The following MAMLD1 variants were observed in gnomAD, a reference collection of about 807,000 sequenced individuals.
MAMLD1 encodes the protein mastermind like domain containing 1.
Under a neutral mutation model 45.0 loss-of-function variants are expected in MAMLD1, and 14 were observed. The observed-to-expected ratio is 0.31, with a 90% CI of 0.21 to 0.49. MAMLD1 has a LOEUF of 0.49. Ranked by LOEUF, MAMLD1 falls within the 20% of genes least tolerant of loss-of-function variation. MAMLD1 has a pLI of 0.99. For missense variants in MAMLD1, 543 were observed against 603.6 expected, an observed-to-expected ratio of 0.90 and a Z score of 1.05; for synonymous variants, 254 against 247.8, an observed-to-expected ratio of 1.02 and a Z score of -0.24.
intron 1 of MAMLD1, among the ~76,000 whole-genome samples, chrX:150,419,535 G>C (rs1436365653): frequency 5.6e-4 from 60 of 107,810 alleles, no homozygotes; most frequent in Non-Finnish European, 1.1e-3. Flanking sequence ...TCCTAGTCTC[G>C]ATGGTCTTTA....
chrX:150,460,345 CA>C (rs1185640313), intron 2 of MAMLD1, among the ~76,000 whole-genome samples: 1 of 112,443 alleles, frequency 8.9e-6, no homozygotes, highest in African/African-American at 3.2e-5. Flanking sequence ...ATCCTCACCA[CA>C]AGGGCACCTG....
At position 150,513,347 on chromosome X, in the gene MAMLD1, A is replaced by G; in HGVS notation, c.*1388A>G. ...TAAATAAAGCGACGGCTTTTGTTTC[A>G]GTAGAGTTGTGTTTACTATGCATTG... On this transcript the variant is annotated 3_prime_UTR_variant, in exon 8 of 8. Coordinates refer to ENST00000370401, the MANE Select transcript of MAMLD1 (RefSeq NM_005491.5). The G allele has an allele frequency of 2.7e-6, 1 of 372,954 alleles. No homozygotes were observed. The highest frequency in any genetic ancestry group is 7.3e-5 in the South Asian group (1 of 13,718). The allele number at this position is 372,954 out of a possible 1,213,427, so 30.7% of individuals were successfully genotyped here. A position where few individuals can be genotyped will look rare whatever the true frequency, so the allele number is the denominator to read the frequency against.
chrX:150,402,155 G>C (rs1294909026), intron 1 of MAMLD1, among the ~76,000 whole-genome samples: 2 of 110,445 alleles, frequency 1.8e-5, no homozygotes, highest in Non-Finnish European at 3.8e-5. Flanking sequence ...TGGGAGAAAA[G>C]TTTCACAACC....
At chrX:150,442,075 C>A (rs1213164315) in intron 1 of MAMLD1, among the ~76,000 whole-genome samples, 1 of 103,625 alleles carries the variant, frequency 9.7e-6, no homozygotes, top group African/African-American at 3.5e-5. Context: ...GCTCTGAAGT[C>A]TACTTTATCT....
chrX:150,403,995 A>AG (rs1491189318), intron 1 of MAMLD1, among the ~76,000 whole-genome samples: 1 of 91,367 alleles, frequency 1.1e-5, no homozygotes, highest in African/African-American at 4.2e-5. Context: ...AAAGAAAGAA[A>AG]GAAGAAAGGA....
At chrX:150,398,290 G>GAAGAAGAAC (rs1569564554) in intron 1 of MAMLD1, among the ~76,000 whole-genome samples, 40 of 84,323 alleles carry the variant, frequency 4.7e-4, no homozygotes, top group African/African-American at 1.8e-3. Context: ...AGAAGAAGAA[G>GAAGAAGAAC]AAGAAGAAGA....
intron 7 of MAMLD1, among the ~76,000 whole-genome samples, chrX:150,511,641 G>C (rs1489754526): frequency 8.9e-6 from 1 of 112,023 alleles, no homozygotes; most frequent in Non-Finnish European, 1.9e-5. Context: ...CCTGTCAAAG[G>C]GTGGGCAGTG....
intron 5 of MAMLD1, among the ~76,000 whole-genome samples, chrX:150,476,682 G>A (rs2036589685): frequency 8.9e-6 from 1 of 112,855 alleles, no homozygotes; most frequent in Non-Finnish European, 1.9e-5. Flanking sequence ...TGGAGAAATA[G>A]ACCAAGGAGG....
At chrX:150,369,847 GT>G (rs1557400924) in intron 1 of MAMLD1, among the ~76,000 whole-genome samples, 5 of 104,434 alleles carry the variant, frequency 4.8e-5, no homozygotes, top group African/African-American at 1.7e-4. Flanking sequence ...TAATCCAGCT[GT>G]TTTTTTTTAA....
Position 150,394,048 on chromosome X carries a change from T to G in MAMLD1, c.-64+30518T>G, listed in dbSNP as rs781925456. Among the ~76,000 whole-genome samples, 3 of 109,716 alleles carry G rather than the reference T, an allele frequency of 2.7e-5. No individual in the cohort carries two copies. In the Admixed American group the frequency reaches 2.9e-4, roughly 11 times the overall value. On this transcript the variant is annotated intron_variant, in intron 1 of 7. Coordinates refer to ENST00000370401, the MANE Select transcript of MAMLD1 (RefSeq NM_005491.5). ...TTCTTATGTTATGCTCCAGGAGTTT[T>G]ATAATTTTTTCTTTTGCATTTATGT...
intron 1 of MAMLD1, among the ~76,000 whole-genome samples, chrX:150,441,817 G>T (rs2035325077): frequency 9.0e-6 from 1 of 111,290 alleles, no homozygotes; most frequent in African/African-American, 3.3e-5. Context: ...CTGTTGTTGG[G>T]CTCTTATACA....
intron 4 of MAMLD1, among the ~76,000 whole-genome samples, chrX:150,473,198 T>TA (rs782295758): frequency 1.4e-4 from 16 of 112,142 alleles, no homozygotes; most frequent in Non-Finnish European, 2.8e-4. Context: ...TCCCTGGGCC[T>TA]GGTCATCCCT....
chrX:150,423,060 T>C (rs1254358706), intron 1 of MAMLD1, among the ~76,000 whole-genome samples: 3 of 111,778 alleles, frequency 2.7e-5, no homozygotes, highest in African/African-American at 9.8e-5. Flanking sequence ...TCAGGTCTCC[T>C]GGTCCTCAAC....
intron 1 of MAMLD1, among the ~76,000 whole-genome samples, chrX:150,413,149 C>T (rs2034164921): frequency 8.9e-6 from 1 of 111,797 alleles, no homozygotes; most frequent in Non-Finnish European, 1.9e-5. Context: ...ATCTGTATTT[C>T]TTGTTACTGT....
At chrX:150,446,850 G>T (rs958146751) in intron 2 of MAMLD1, among the ~76,000 whole-genome samples, 14 of 112,698 alleles carry the variant, frequency 1.2e-4, no homozygotes, top group African/African-American at 4.5e-4. Flanking sequence ...ACCTGATAAT[G>T]CTCCCAGAGT....
chrX:150,460,617 C>A (rs2036005966), intron 2 of MAMLD1, among the ~76,000 whole-genome samples: 1 of 111,351 alleles, frequency 9.0e-6, no homozygotes, highest in Admixed American at 9.5e-5. Flanking sequence ...CAGGGCCTGG[C>A]AGTAAGAAGA....
chrX:150,492,889 A>C (rs1557408008), intron 5 of MAMLD1, among the ~76,000 whole-genome samples: 2 of 111,651 alleles, frequency 1.8e-5, no homozygotes, highest in Admixed American at 9.5e-5. Flanking sequence ...CTCAAGTTAC[A>C]AAAGCGTTAG....
intron 2 of MAMLD1, among the ~76,000 whole-genome samples, chrX:150,454,630 G>A (rs2035780849): frequency 9.0e-6 from 1 of 111,364 alleles, no homozygotes. Flanking sequence ...TTCTTCCTCT[G>A]TCCCAGTCAG....
intron 1 of MAMLD1, among the ~76,000 whole-genome samples, chrX:150,403,927 C>A (rs1557402559): frequency 0.038 from 1,324 of 35,126 alleles, 17 homozygotes; most frequent in Middle Eastern, 0.074. Context: ...GAAAGAAAGA[C>A]AGAGAAAGAA....
Sources: allele counts gnomAD v4.1 joint callset (sites outside exome capture counted in the v4.1 genomes callset), GRCh38; gene constraint gnomAD v4.1.1; transcripts MANE v1.5; gene names NCBI Gene and HGNC (gene_info 2026-07-23, HGNC 2026-07-21).